The following RFX4 variants were observed in gnomAD, a reference collection of about 807,000 sequenced individuals.
RFX4 encodes transcription factor RFX4.
Under a neutral mutation model 95.0 loss-of-function variants are expected in RFX4, and 10 were observed. That is an observed-to-expected ratio of 0.11 (90% confidence interval 0.06 to 0.18). RFX4 has a LOEUF of 0.18. RFX4 is among the 10% of genes least tolerant of loss of function. The pLI is 1.00. For missense variants in RFX4, 640 were observed against 922.0 expected (o/e 0.69, Z 3.96); for synonymous variants, 321 against 340.7 (o/e 0.94, Z 0.64).
At chr12:106,755,313 C>T (rs2136101689) in intron 17 of RFX4, among the ~76,000 whole-genome samples, 1 of 152,322 alleles carries the variant, frequency 6.6e-6, no homozygotes, top group Non-Finnish European at 1.5e-5. Context: ...CCAGACATGT[C>T]TCGAACTCCT....
chr12:106,699,987 TTTAA>T (rs1383190384), intron 8 of RFX4, among the ~76,000 whole-genome samples: 1 of 152,140 alleles, frequency 6.6e-6, no homozygotes, highest in African/African-American at 2.4e-5. Flanking sequence ...CCTAATTTTG[TTTAA>T]TTATTTTTAT....
intron 8 of RFX4, among the ~76,000 whole-genome samples, chr12:106,708,372 G>T (rs1287829975): frequency 6.6e-6 from 1 of 151,802 alleles, no homozygotes; most frequent in Non-Finnish European, 1.5e-5. Context: ...GAAGTAGGAG[G>T]TGATTCCACC....
At position 106,583,229 on chromosome 12, in the gene RFX4, C is replaced by A. The variant is rs572606967; in HGVS notation, c.-92C>A. The A allele has an allele frequency of 2.0e-6, 2 of 976,262 alleles. No homozygotes were observed. Among genetic ancestry groups the A allele is most frequent in the African/African-American group, 1.7e-5 (1 of 58,028 alleles). The allele number at this position is 976,262 out of a possible 1,614,324, so 60.5% of individuals were successfully genotyped here. The stretch of plus-strand genomic sequence containing the variant: ...GTCTCTCTCTCTCCCCTTCTCCCTC[C>A]CTCCCTCCCTTCCTCCCTGGGCATC... On this transcript the variant is annotated 5_prime_UTR_variant, in exon 1 of 18. Transcript: ENST00000392842.
At chr12:106,683,422 C>T (rs1461951019) in intron 5 of RFX4, 6 of 120,128 alleles carry the variant, frequency 5.0e-5, no homozygotes, top group African/African-American at 1.9e-4. Flanking sequence ...GAACAAAGGA[C>T]CTCTTGGAAT....
At chr12:106,636,399 A>C (rs1358440131) in intron 2 of RFX4, among the ~76,000 whole-genome samples, 1 of 151,678 alleles carries the variant, frequency 6.6e-6, no homozygotes, top group Non-Finnish European at 1.5e-5. Flanking sequence ...TCAAAAAAAA[A>C]AAAAAAAAGA....
At chr12:106,666,119 A>AC in intron 4 of RFX4, among the ~76,000 whole-genome samples, 1 of 152,128 alleles carries the variant, frequency 6.6e-6, no homozygotes, top group Non-Finnish European at 1.5e-5. Context: ...CTCTACTACT[A>AC]CTTCAGTTTT....
intron 15 of RFX4, 96 bp from the exon 16 acceptor site, chr12:106,747,341 C>A: frequency 1.5e-6 from 2 of 1,371,346 alleles, no homozygotes; most frequent in Non-Finnish European, 2.0e-6. Context: ...AAGATTTTGG[C>A]CTTCAACTTA....
intron 2 of RFX4, among the ~76,000 whole-genome samples, chr12:106,623,912 A>G (rs886475663): frequency 1.3e-5 from 2 of 152,254 alleles, no homozygotes; most frequent in Non-Finnish European, 2.9e-5. Flanking sequence ...GGTTTATTCA[A>G]CAACTCAGCA....
At chr12:106,678,415 T>A (rs1286731989) in intron 4 of RFX4, among the ~76,000 whole-genome samples, 1 of 152,146 alleles carries the variant, frequency 6.6e-6, no homozygotes, top group Non-Finnish European at 1.5e-5. Context: ...AACAAAACAA[T>A]GCTGCTTTCT....
chr12:106,601,574 G>A (rs2039711192), intron 1 of RFX4, among the ~76,000 whole-genome samples: 1 of 152,210 alleles, frequency 6.6e-6, no homozygotes, highest in Admixed American at 6.5e-5. Flanking sequence ...TTTTAAGTCA[G>A]GCAGCGTTTT....
chr12:106,716,637 C>T (rs1362925752), intron 11 of RFX4, among the ~76,000 whole-genome samples: 1 of 152,160 alleles, frequency 6.6e-6, no homozygotes, highest in African/African-American at 2.4e-5. Flanking sequence ...GCCCAAACCT[C>T]ACTCAGGCTG....
In RFX4 at chr12:106,586,132, G is replaced by A. The variant is rs2039453732; in HGVS notation, c.43+2769G>A. On this transcript the variant is annotated intron_variant, in intron 1 of 17. Transcript: ENST00000392842. This position sits in a 1 kb window ranked among gnomAD's most constrained non-coding sequence, Gnocchi z 5.6. ...AAGCAAAGCCCCTCTCGGAGGCAAA[G>A]CCCCAGCTTGCCGCGCGCCGCGGTG... 2.6e-5 allele frequency among the ~76,000 whole-genome samples: 4 copies of A among 152,194 alleles called. No homozygotes were observed.
At chr12:106,625,373 A>T (rs1219607237) in intron 2 of RFX4, among the ~76,000 whole-genome samples, 7 of 152,224 alleles carry the variant, frequency 4.6e-5, no homozygotes, top group Non-Finnish European at 8.8e-5. Context: ...CAGTGGGGTC[A>T]AGTCCTAAAT....
chr12:106,685,170 G>T (rs997540220), intron 5 of RFX4, among the ~76,000 whole-genome samples: 1 of 152,104 alleles, frequency 6.6e-6, no homozygotes, highest in Non-Finnish European at 1.5e-5. Flanking sequence ...GAGTCTTTAA[G>T]GGGGGAGCAG....
intron 7 of RFX4, among the ~76,000 whole-genome samples, chr12:106,692,464 C>T (rs1252987019): frequency 6.6e-6 from 1 of 152,180 alleles, no homozygotes; most frequent in Non-Finnish European, 1.5e-5. Context: ...CCTTCCAAGC[C>T]TGGTACACTT....
intron 1 of RFX4, among the ~76,000 whole-genome samples, chr12:106,606,891 G>C (rs2039845531): frequency 6.6e-6 from 1 of 152,176 alleles, no homozygotes; most frequent in Non-Finnish European, 1.5e-5. Flanking sequence ...TTTTTATGGT[G>C]TGTAACCTAA....
At chr12:106,622,464 C>T (rs911041291) in intron 2 of RFX4, among the ~76,000 whole-genome samples, 1 of 151,970 alleles carries the variant, frequency 6.6e-6, no homozygotes, top group South Asian at 2.1e-4. Context: ...ATTTATTGAG[C>T]AATGAGAAGT....
chr12:106,758,869 T>C (rs2043158210), intron 17 of RFX4, among the ~76,000 whole-genome samples: 2 of 152,238 alleles, frequency 1.3e-5, no homozygotes, highest in African/African-American at 4.8e-5. Flanking sequence ...GCAGGACACT[T>C]GATCTCATGG....
chr12:106,749,419 G>A (rs140056854), intron 16 of RFX4, among the ~76,000 whole-genome samples: 43 of 152,172 alleles, frequency 2.8e-4, no homozygotes, highest in African/African-American at 8.9e-4. Context: ...GCAGCACGGC[G>A]GTGACCTGAC....
Sources: gnomAD v4.1 joint callset for allele counts (sites outside exome capture counted in the v4.1 genomes callset) on GRCh38, gnomAD v4.1.1 for gene constraint, Gnocchi (gnomAD v3.1) non-coding constraint, MANE v1.5 for transcripts, NCBI Gene and HGNC (gene_info 2026-07-23, HGNC 2026-07-21) for gene names.